Variants in MAP3K4 observed in about 807,000 individuals in gnomAD.
MAP3K4 encodes MAP three kinase 1.
Under a neutral mutation model 185.6 loss-of-function variants are expected in MAP3K4, and 67 were observed. That is an observed-to-expected ratio of 0.36 (90% confidence interval 0.30 to 0.44). MAP3K4 has a LOEUF of 0.44. Ranked by LOEUF, MAP3K4 falls within the 20% of genes least tolerant of loss-of-function variation. The pLI is 1.00. For synonymous variants in MAP3K4, 702 were observed against 710.4 expected, an observed-to-expected ratio of 0.99 and a Z score of 0.19; for missense variants, 1,551 against 1,995.1, an observed-to-expected ratio of 0.78 and a Z score of 4.24.
intron 13 of MAP3K4, 88 bp downstream of exon 13, chr6:161,092,231 AGAC>A: frequency 6.9e-7 from 1 of 1,443,602 alleles, no homozygotes; most frequent in South Asian, 1.3e-5. Flanking sequence ...CTTTTTGAGC[AGAC>A]GACACAGAAG....
At chr6:161,066,364 A>C (rs1185276839) in intron 3 of MAP3K4, among the ~76,000 whole-genome samples, 1 of 149,682 alleles carries the variant, frequency 6.7e-6, no homozygotes, top group Non-Finnish European at 1.5e-5. Context: ...GCTAGATCTG[A>C]CTTCCATGTC....
At position 161,108,715 on chromosome 6, in the gene MAP3K4, T is replaced by C. The variant is rs1169643715; in HGVS notation, c.4120-28T>C. ...ATGTAGAGTGATTAAATCAAGCCAG[T>C]TAACATTTTTGTCACCTCACTTTAC... On this transcript the variant is annotated intron_variant, in intron 21 of 26. Coordinates refer to ENST00000392142, the MANE Select transcript of MAP3K4 (RefSeq NM_005922.4). The surrounding 1 kb of genome is among the most constrained non-coding windows in gnomAD (Gnocchi z 5.7). 1.4e-5 allele frequency: 18 copies of C among 1,310,744 alleles called. No individual in the cohort carries two copies. Among genetic ancestry groups the C allele is most frequent in the African/African-American group, 2.9e-5 (2 of 68,884 alleles). The allele number at this position is 1,310,744 out of a possible 1,614,324, so 81.2% of individuals were successfully genotyped here.
Position 161,065,512 on chromosome 6 carries a change from A to G in MAP3K4, c.1708-5096A>G, listed in dbSNP as rs574332261. Among the ~76,000 whole-genome samples, 112 of 152,332 alleles carry G rather than the reference A, an allele frequency of 7.4e-4. 1 individual carries two copies. Among genetic ancestry groups the G allele is most frequent in the African/African-American group, 2.6e-3 (108 of 41,570 alleles). On this transcript the variant is annotated intron_variant, in intron 3 of 26. Coordinates refer to ENST00000392142, the MANE Select transcript of MAP3K4 (RefSeq NM_005922.4). ...CTTAAAATTGTGTTTTTAATATTTC[A>G]TTCTAGAACTCGAATTGTAGTCAGT...
rs144303122 is a variant in MAP3K4, at chr6:161,096,734, A to T, written c.3428-346A>T. The T allele has an allele frequency of 5.1e-6, 1 of 195,740 alleles. No individual in the cohort carries two copies. The highest frequency in any genetic ancestry group is 1.3e-4 in the East Asian group (1 of 7,732). 12.1% of individuals were successfully genotyped at this position (195,740 alleles called of 1,614,324 possible). On this transcript the variant is annotated intron_variant, in intron 15 of 26. Transcript: ENST00000392142. The surrounding 1 kb of genome is among the most constrained non-coding windows in gnomAD (Gnocchi z 4.9). ...ACCACAATCTTTTTAACGTGTAGAC[A>T]ACATAAAGAACTCCTTTTTATTAGG...
At chr6:160,997,761 C>T (rs1162497029) in intron 1 of MAP3K4, among the ~76,000 whole-genome samples, 2 of 152,218 alleles carry the variant, frequency 1.3e-5, no homozygotes, top group African/African-American at 2.4e-5. Context: ...CTACATGGTA[C>T]ATATTGGAGC....
chr6:161,117,117 A>G lies in MAP3K4; in HGVS notation c.*247A>G, dbSNP rs889800473. The G allele has an allele frequency of 2.0e-6, 1 of 506,904 alleles. No individual in the cohort carries two copies. The highest frequency in any genetic ancestry group is 2.0e-5 in the African/African-American group (1 of 51,052). The allele number at this position is 506,904 out of a possible 1,614,324, so 31.4% of individuals were successfully genotyped here. A position where few individuals can be genotyped will look rare whatever the true frequency, so the allele number is the denominator to read the frequency against. On this transcript the variant is annotated 3_prime_UTR_variant, in exon 27 of 27. Coordinates refer to ENST00000392142, the MANE Select transcript of MAP3K4 (RefSeq NM_005922.4). ...GTGCCATTACTACTGTACACGGACC[A>G]TCGCCTCTGTCTCCTCCGTGTCTCG... is the stretch of plus-strand genomic sequence containing the variant.
chr6:161,072,695 G>A (rs1785002395), intron 4 of MAP3K4, among the ~76,000 whole-genome samples: 1 of 152,116 alleles, frequency 6.6e-6, no homozygotes, highest in Admixed American at 6.5e-5. Flanking sequence ...CGGCAGTGAA[G>A]GTTTGGCTAA....
At chr6:161,079,644 C>CA (rs1785351484) in intron 5 of MAP3K4, among the ~76,000 whole-genome samples, 1 of 152,166 alleles carries the variant, frequency 6.6e-6, no homozygotes, top group African/African-American at 2.4e-5. Flanking sequence ...AAGCTGTCCT[C>CA]AGGAAGGAAA....
At chr6:161,021,412 C>T (rs1235716158) in intron 1 of MAP3K4, among the ~76,000 whole-genome samples, 2 of 152,204 alleles carry the variant, frequency 1.3e-5, no homozygotes, top group Non-Finnish European at 2.9e-5. Context: ...GAGCCCTGCT[C>T]TCTCCTGTCT....
chr6:161,043,537 A>G lies in MAP3K4; in HGVS notation c.344-5079A>G, dbSNP rs1466784457. On this transcript the variant is annotated intron_variant, in intron 2 of 26. Transcript: ENST00000392142. The surrounding 1 kb of genome is among the most constrained non-coding windows in gnomAD (Gnocchi z 4.3). ...GGGCTAGGACCCCTGTTCTGACATTAACCATGTGTCTAACCATCTGTGTTC... is the reference window on the plus strand; with the variant it reads ...GGGCTAGGACCCCTGTTCTGACATTGACCATGTGTCTAACCATCTGTGTTC... Among the ~76,000 whole-genome samples the G allele has an allele frequency of 6.6e-6, 1 of 152,194 alleles. No individual in the cohort carries two copies. The highest frequency in any genetic ancestry group is 1.9e-4 in the East Asian group (1 of 5,196).
intron 2 of MAP3K4, among the ~76,000 whole-genome samples, chr6:161,047,476 A>G (rs1783786981): frequency 6.6e-6 from 1 of 152,128 alleles, no homozygotes; most frequent in African/African-American, 2.4e-5. Flanking sequence ...ATTATATATA[A>G]CGTTCTAATT....
In MAP3K4 at chr6:161,078,304, G is replaced by A. The variant is rs79694567; in HGVS notation, c.2098-2577G>A. 8.4e-4 allele frequency among the ~76,000 whole-genome samples: 128 copies of A among 152,350 alleles called. 1 individual carries two copies. In the East Asian group the frequency reaches 0.024, roughly 28 times the overall value. ...GGGGGAATGGGATGGTTAGGCTTAA[G>A]CCAGCTTTGGGGTCTTGACCAACAG... On this transcript the variant is annotated intron_variant, in intron 5 of 26. Coordinates refer to ENST00000392142, the MANE Select transcript of MAP3K4 (RefSeq NM_005922.4).
Position 161,087,718 on chromosome 6 carries a change from A to C in MAP3K4, c.2587A>C (p.Met863Leu). Residue 863 changes from methionine to leucine, a missense_variant, in exon 10 of 27, where the codon ATG (methionine) becomes CTG (leucine). Coordinates refer to ENST00000392142, the MANE Select transcript of MAP3K4 (RefSeq NM_005922.4). This position sits in a 1 kb window ranked among gnomAD's most constrained non-coding sequence, Gnocchi z 4.9. ...AATTCCTGGGTTAGAAAACTTGCAA[A>C]TGTTTGTTCCAGACACTCTTGCTGA... ...VQIPGLENLQ[M>L]FVPDTLAEEK... 1.2e-6 allele frequency: 2 copies of C among 1,614,138 alleles called. No homozygotes were observed. Among genetic ancestry groups the C allele is most frequent in the Non-Finnish European group, 1.7e-6 (2 of 1,180,024 alleles).
chr6:161,046,455 A>G (rs1049747195), intron 2 of MAP3K4, among the ~76,000 whole-genome samples: 29 of 152,076 alleles, frequency 1.9e-4, no homozygotes, highest in African/African-American at 6.8e-4. Flanking sequence ...CTATATGAAA[A>G]GTTTAAAGAC....
rs1315337667 is a variant in MAP3K4 at position 161,056,226 on chromosome 6, T to C, written c.1707+6247T>C. 6.6e-6 allele frequency among the ~76,000 whole-genome samples: 1 copy of C among 152,174 alleles called. No homozygotes were observed. Among genetic ancestry groups the C allele is most frequent in the East Asian group, 1.9e-4 (1 of 5,192 alleles). ...GGCACCACAAGATGCTCTGGGCTTG[T>C]CTTGTATTTTCCCTCGTTCTGTCCT... On this transcript the variant is annotated intron_variant, in intron 3 of 26. Transcript: ENST00000392142. The surrounding 1 kb of genome is among the most constrained non-coding windows in gnomAD (Gnocchi z 5.4).
intron 23 of MAP3K4, among the ~76,000 whole-genome samples, chr6:161,111,092 G>A (rs1330765092): frequency 6.6e-6 from 1 of 152,174 alleles, no homozygotes; most frequent in African/African-American, 2.4e-5. Context: ...TCAATTGTGG[G>A]GAGCATCAAC....
chr6:161,080,541 G>A lies in MAP3K4; in HGVS notation c.2098-340G>A, dbSNP rs1417172914. The A allele has an allele frequency of 3.6e-6, 1 of 278,986 alleles. No homozygotes were observed. The highest frequency in any genetic ancestry group is 2.3e-5 in the African/African-American group (1 of 43,160). 17.3% of individuals were successfully genotyped at this position (278,986 alleles called of 1,614,324 possible). A position where few individuals can be genotyped will look rare whatever the true frequency, so the allele number is the denominator to read the frequency against. ...AAGTGAAGATCCTAACCTCTTAAAG[G>A]AATAATGTTGACAGTACATTCATAA... On this transcript the variant is annotated intron_variant, in intron 5 of 26. Transcript: ENST00000392142. This position sits in a 1 kb window ranked among gnomAD's most constrained non-coding sequence, Gnocchi z 4.8.
intron 15 of MAP3K4, among the ~76,000 whole-genome samples, chr6:161,095,980 C>T (rs918782427): frequency 1.5e-4 from 23 of 152,040 alleles, no homozygotes; most frequent in African/African-American, 5.6e-4. Flanking sequence ...AGTATCTTTG[C>T]TCAATTAAAG....
At chr6:161,059,817 G>T (rs955348838) in intron 3 of MAP3K4, among the ~76,000 whole-genome samples, 1 of 146,336 alleles carries the variant, frequency 6.8e-6, no homozygotes, top group Non-Finnish European at 1.5e-5. Context: ...TGTTATCATT[G>T]TTCATTATAT....
Sources: gnomAD v4.1 joint callset for allele counts (sites outside exome capture counted in the v4.1 genomes callset) on GRCh38, gnomAD v4.1.1 for gene constraint, Gnocchi (gnomAD v3.1) non-coding constraint, MANE v1.5 for transcripts, NCBI Gene and HGNC (gene_info 2026-07-23, HGNC 2026-07-21) for gene names.